Variants in DCBLD1 observed in about 807,000 individuals in gnomAD.
DCBLD1 encodes the protein discoidin, CUB and LCCL domain-containing protein 1.
Under a neutral mutation model 71.5 loss-of-function variants are expected in DCBLD1, and 57 were observed. The ratio of observed to expected loss-of-function variants is 0.80; its 90% CI spans 0.64 to 0.99. DCBLD1 has a LOEUF of 0.99. Among genes scored for constraint, DCBLD1 ranks in the 50% least tolerant of loss-of-function variants. DCBLD1 has a pLI of 0.00. For missense variants in DCBLD1, 891 were observed against 923.5 expected (o/e 0.96, Z 0.46); for synonymous variants, 380 against 363.8 (o/e 1.04, Z -0.51).
At chr6:117,558,912 A>G (rs1779532227) in intron 14 of DCBLD1, among the ~76,000 whole-genome samples, 1 of 152,214 alleles carries the variant, frequency 6.6e-6, no homozygotes, top group African/African-American at 2.4e-5. Context: ...GCAAGGGGAT[A>G]ATGGGAATAC....
intron 1 of DCBLD1, among the ~76,000 whole-genome samples, chr6:117,483,922 A>G (rs1184442247): frequency 6.6e-6 from 1 of 152,130 alleles, no homozygotes; most frequent in Non-Finnish European, 1.5e-5. Flanking sequence ...CTCCATTCTG[A>G]AACATTGATA....
intron 1 of DCBLD1, among the ~76,000 whole-genome samples, chr6:117,487,003 G>A (rs1008008871): frequency 2.0e-5 from 3 of 152,232 alleles, no homozygotes; most frequent in African/African-American, 7.2e-5. Context: ...TCTAATGCCT[G>A]ATGATCTGAG....
chr6:117,548,218 G>A lies in DCBLD1; in HGVS notation c.1927G>A (p.Ala643Thr). ...SLSSGGFSPVAGVGAQDGDYQ... is the reference protein window; with the variant it reads ...SLSSGGFSPVTGVGAQDGDYQ... ...CTCCTCGGGCGGCTTCTCCCCCGTA[G>A]CGGGTGTGGGCGCCCAGGACGGAGA... The change falls in exon 15 of 15, where the codon GCG becomes ACG. Residue 643 changes from alanine (A) to threonine (T), a missense_variant. Transcript: ENST00000338728. 1 of 1,550,570 alleles carries A rather than the reference G, an allele frequency of 6.4e-7. No homozygotes were observed. Among genetic ancestry groups the A allele is most frequent in the Non-Finnish European group, 8.7e-7 (1 of 1,146,984 alleles).
At chr6:117,538,204 C>T (rs1475383482) in intron 7 of DCBLD1, among the ~76,000 whole-genome samples, 1 of 152,186 alleles carries the variant, frequency 6.6e-6, no homozygotes, top group Non-Finnish European at 1.5e-5. Flanking sequence ...ACGACTTAGA[C>T]ACATCTGCTT....
At chr6:117,528,433 T>C (rs1370555479) in intron 5 of DCBLD1, among the ~76,000 whole-genome samples, 1 of 152,262 alleles carries the variant, frequency 6.6e-6, no homozygotes, top group African/African-American at 2.4e-5. Context: ...TTTTATTAAA[T>C]GCAACCTAAA....
At chr6:117,539,212 A>G in intron 8 of DCBLD1, 43 bp from the exon 9 acceptor site, 1 of 1,479,588 alleles carries the variant, frequency 6.8e-7, no homozygotes, top group Non-Finnish European at 9.0e-7. Context: ...GTTATATTTA[A>G]CAAACTTTTA....
At chr6:117,511,345 G>T (rs1193990806) in intron 2 of DCBLD1, among the ~76,000 whole-genome samples, 1 of 152,206 alleles carries the variant, frequency 6.6e-6, no homozygotes, top group African/African-American at 2.4e-5. Context: ...AGGAGGCATG[G>T]TGGCCAGTGA....
Position 117,545,532 on chromosome 6 carries a change from C to CCGT in DCBLD1, c.1551_1552insGTC (p.Thr517_Ile518insVal). 1 of 1,614,076 alleles carries CCGT rather than the reference C, an allele frequency of 6.2e-7. No individual in the cohort carries two copies. Among genetic ancestry groups the CCGT allele is most frequent in the Non-Finnish European group, 8.5e-7 (1 of 1,179,956 alleles). ...GCCAGACATCAGTCAGCTGAGTTTA[C>CCGT]CATCAGCTATGATAATGAGAAGGAG... is the stretch of plus-strand genomic sequence containing the variant. On this transcript the variant is annotated inframe_insertion, in exon 14 of 15. Coordinates refer to ENST00000338728, the MANE Select transcript of DCBLD1 (RefSeq NM_001366458.2).
chr6:117,522,795 T>C (rs1778428473), intron 4 of DCBLD1, among the ~76,000 whole-genome samples: 1 of 152,158 alleles, frequency 6.6e-6, no homozygotes, highest in Non-Finnish European at 1.5e-5. Context: ...GTAGCTCTTG[T>C]GACCATTTCA....
chr6:117,482,933 G>A (rs1463254021), intron 1 of DCBLD1, 40 bp downstream of exon 1: 1 of 1,163,598 alleles, frequency 8.6e-7, no homozygotes, highest in Non-Finnish European at 1.1e-6. Context: ...GACCCGAGGC[G>A]CCAGGGGCGG....
chr6:117,501,166 A>T (rs1777644889), intron 1 of DCBLD1, among the ~76,000 whole-genome samples: 1 of 152,174 alleles, frequency 6.6e-6, no homozygotes, highest in Non-Finnish European at 1.5e-5. Flanking sequence ...GGATTGCTTT[A>T]TGAGGGTGCT....
At chr6:117,487,253 G>T (rs1241865042) in intron 1 of DCBLD1, among the ~76,000 whole-genome samples, 1 of 152,028 alleles carries the variant, frequency 6.6e-6, no homozygotes, top group African/African-American at 2.4e-5. Flanking sequence ...CTCAATAGGG[G>T]ATGGGTGCTT....
At chr6:117,497,722 T>A (rs1345111366) in intron 1 of DCBLD1, among the ~76,000 whole-genome samples, 1 of 152,226 alleles carries the variant, frequency 6.6e-6, no homozygotes, top group Non-Finnish European at 1.5e-5. Context: ...TAGTTGTTTG[T>A]TTCCTGAATT....
At position 117,548,311 on chromosome 6, in the gene DCBLD1, C is replaced by G; in HGVS notation, c.2020C>G (p.Leu674Val). 6.4e-7 allele frequency: 1 copy of G among 1,550,684 alleles called. No homozygotes were observed. Among genetic ancestry groups the G allele is most frequent in the East Asian group, 2.4e-5 (1 of 40,914 alleles). The stretch of plus-strand genomic sequence containing the variant: ...CGACCGGCCCAAAGCTGTCAGCGCC[C>G]TCGCCACCGAAAGCGGGCACCCTGA... ...GYDRPKAVSA[L>V]ATESGHPDSQ... is the part of the protein sequence containing the mutation. Residue 674 changes from leucine to valine, a missense_variant, in exon 15 of 15, where the codon CTC becomes GTC. Physicochemically the swap from Leu to Val is conservative, Grantham distance 32. Coordinates refer to ENST00000338728, the MANE Select transcript of DCBLD1 (RefSeq NM_001366458.2).
chr6:117,533,952 A>AT (rs1176919693), intron 6 of DCBLD1, among the ~76,000 whole-genome samples: 4 of 152,242 alleles, frequency 2.6e-5, no homozygotes, highest in African/African-American at 9.6e-5. Flanking sequence ...CAATGCAAGT[A>AT]GTACTGTACG....
chr6:117,564,899 C>T (rs1222033504), intron 14 of DCBLD1, among the ~76,000 whole-genome samples: 2 of 152,160 alleles, frequency 1.3e-5, no homozygotes, highest in African/African-American at 4.8e-5. Flanking sequence ...TTACAACACA[C>T]AAGTTTATCA....
At chr6:117,497,700 A>G (rs73766221) in intron 1 of DCBLD1, among the ~76,000 whole-genome samples, 8,212 of 152,300 alleles carry the variant, frequency 0.054, 443 homozygotes, top group African/African-American at 0.13. Flanking sequence ...GAACTACAGT[A>G]TACTAAGTTC....
chr6:117,518,123 G>A (rs114330164), intron 2 of DCBLD1, among the ~76,000 whole-genome samples: 1,633 of 152,116 alleles, frequency 0.011, 37 homozygotes, highest in African/African-American at 0.037. Flanking sequence ...AAGTTACCTC[G>A]TGAATGCTTT....
chr6:117,529,190 T>C (rs1212246063), intron 5 of DCBLD1, among the ~76,000 whole-genome samples: 1 of 152,154 alleles, frequency 6.6e-6, no homozygotes, highest in Non-Finnish European at 1.5e-5. Flanking sequence ...ATGAAACAAA[T>C]AATTATTGTG....
Sources: gnomAD v4.1 joint callset for allele counts (sites outside exome capture counted in the v4.1 genomes callset) on GRCh38, gnomAD v4.1.1 for gene constraint, MANE v1.5 for transcripts, NCBI Gene and HGNC (gene_info 2026-07-23, HGNC 2026-07-21) for gene names.